The following DPYSL3 variants were observed in gnomAD, a reference collection of about 807,000 sequenced individuals.
The protein encoded by DPYSL3 is dihydropyrimidinase-related protein 3.
Under a neutral mutation model 66.1 loss-of-function variants are expected in DPYSL3, and 16 were observed. That is an observed-to-expected ratio of 0.24 (90% CI 0.16 to 0.37). The LOEUF is 0.37. Ranked by LOEUF, DPYSL3 falls within the 10% of genes least tolerant of loss-of-function variation. The probability of loss-of-function intolerance (pLI) is 1.00; values close to 1 mark genes in which losing one functional copy is unlikely to be tolerated. For missense variants in DPYSL3, 738 were observed against 916.2 expected, an observed-to-expected ratio of 0.81 and a Z score of 2.51; for synonymous variants, 338 against 345.1, an observed-to-expected ratio of 0.98 and a Z score of 0.23.
chr5:147,415,898 G>A, intron 3 of DPYSL3, 25 bp from the exon 4 acceptor site: 1 of 1,610,052 alleles, frequency 6.2e-7, no homozygotes, highest in Non-Finnish European at 8.5e-7. Flanking sequence ...CCCCAGATGA[G>A]TCACTCTCAG....
intron 2 of DPYSL3, among the ~76,000 whole-genome samples, chr5:147,424,612 C>T (rs74605436): frequency 0.039 from 5,971 of 152,194 alleles, 161 homozygotes; most frequent in Non-Finnish European, 0.063. Flanking sequence ...ATACCTATTG[C>T]ACAAAGCCTT....
At chr5:147,450,678 G>C (rs1039984536) in intron 1 of DPYSL3, among the ~76,000 whole-genome samples, 10 of 151,954 alleles carry the variant, frequency 6.6e-5, no homozygotes, top group Non-Finnish European at 1.3e-4. Flanking sequence ...ATCTCAGGAG[G>C]GCAATAAAAA....
chr5:147,416,531 T>C (rs1014284765), intron 3 of DPYSL3, among the ~76,000 whole-genome samples: 2 of 152,192 alleles, frequency 1.3e-5, no homozygotes, highest in African/African-American at 2.4e-5. Context: ...TTTTAAACAA[T>C]GGCATCTACA....
chr5:147,405,473 C>G (rs1362153961), intron 8 of DPYSL3, 137 bp downstream of exon 8: 11 of 1,190,552 alleles, frequency 9.2e-6, no homozygotes, highest in Non-Finnish European at 1.2e-5. Flanking sequence ...CCCATCCACA[C>G]AGGATGTGGA....
In DPYSL3 at chr5:147,394,127, C is replaced by T. The variant is rs769492854; in HGVS notation, c.1967-4G>A. 1.2e-6 allele frequency: 2 copies of T among 1,613,222 alleles called. No homozygotes were observed. The highest frequency in any genetic ancestry group is 2.7e-5 in the African/African-American group (2 of 74,642). ...ACCCCCTCATCCACTTGGGTGCCTA[C>T]AGTTGGAAATAAATTCCCAGGGGGA... On this transcript the variant is annotated splice_polypyrimidine_tract_variant and splice_region_variant and intron_variant, in intron 13 of 13. Transcript: ENST00000343218.
chr5:147,406,995 C>A (rs1758340659), intron 7 of DPYSL3, among the ~76,000 whole-genome samples: 1 of 152,148 alleles, frequency 6.6e-6, no homozygotes, highest in South Asian at 2.1e-4. Context: ...AATATGGACA[C>A]CTTCCTGAAG....
chr5:147,501,300 G>A (rs1753603338), intron 1 of DPYSL3, among the ~76,000 whole-genome samples: 1 of 152,076 alleles, frequency 6.6e-6, no homozygotes, highest in African/African-American at 2.4e-5. Context: ...GTTGCCAGGA[G>A]TTGAGGGCAG....
intron 1 of DPYSL3, among the ~76,000 whole-genome samples, chr5:147,442,511 C>T (rs1296870538): frequency 2.6e-5 from 4 of 152,184 alleles, no homozygotes; most frequent in African/African-American, 4.8e-5. Context: ...GTCTGATACT[C>T]GTGAGCTGAG....
chr5:147,480,750 T>C (rs1288780521), intron 1 of DPYSL3, among the ~76,000 whole-genome samples: 1 of 149,406 alleles, frequency 6.7e-6, no homozygotes, highest in Non-Finnish European at 1.5e-5. Flanking sequence ...GAGAAGGAGT[T>C]TCTCTCTTGT....
At chr5:147,461,194 G>C (rs1032254588) in intron 1 of DPYSL3, among the ~76,000 whole-genome samples, 2 of 152,160 alleles carry the variant, frequency 1.3e-5, no homozygotes, top group African/African-American at 4.8e-5. Context: ...CATGTGTACA[G>C]TAAAGGAATA....
At chr5:147,460,176 G>C (rs1437504451) in intron 1 of DPYSL3, among the ~76,000 whole-genome samples, 1 of 152,086 alleles carries the variant, frequency 6.6e-6, no homozygotes, top group Non-Finnish European at 1.5e-5. Flanking sequence ...TTCATCTCTG[G>C]CCCAGCATGT....
intron 1 of DPYSL3, among the ~76,000 whole-genome samples, chr5:147,448,959 A>C (rs1416310194): frequency 6.6e-6 from 1 of 152,052 alleles, no homozygotes; most frequent in Non-Finnish European, 1.5e-5. Flanking sequence ...AGTGTTTGCT[A>C]TTTTTCTTCT....
chr5:147,415,964 GCA>G, intron 3 of DPYSL3, 91 bp from the exon 4 acceptor site: 1 of 1,382,894 alleles, frequency 7.2e-7, no homozygotes, highest in Non-Finnish European at 9.8e-7. Context: ...AGCTGTGACT[GCA>G]GAATCTCTAT....
intron 1 of DPYSL3, among the ~76,000 whole-genome samples, chr5:147,451,208 T>C (rs1450813400): frequency 1.3e-5 from 2 of 152,218 alleles, no homozygotes; most frequent in African/African-American, 2.4e-5. Context: ...CCTCCTGCCA[T>C]GCCCTTCCTT....
At chr5:147,408,215 C>T (rs777579760) in intron 7 of DPYSL3, among the ~76,000 whole-genome samples, 8 of 152,110 alleles carry the variant, frequency 5.3e-5, no homozygotes, top group Non-Finnish European at 8.8e-5. Context: ...GCTGACATCT[C>T]GGAGACATGG....
At chr5:147,473,019 C>G (rs1016680217) in intron 1 of DPYSL3, 2 of 152,130 alleles carry the variant, frequency 1.3e-5, no homozygotes, top group African/African-American at 4.8e-5. Flanking sequence ...CAGAGAAACT[C>G]CTAACCCAAC....
intron 1 of DPYSL3, among the ~76,000 whole-genome samples, chr5:147,505,515 C>T (rs2126464312): frequency 6.6e-6 from 1 of 152,262 alleles, no homozygotes; most frequent in East Asian, 1.9e-4. Context: ...AGATTACAGG[C>T]GTGAGCCACC....
chr5:147,405,541 G>A, intron 8 of DPYSL3, 69 bp downstream of exon 8: 5 of 1,540,592 alleles, frequency 3.2e-6, no homozygotes, highest in Non-Finnish European at 4.4e-6. Context: ...ATATTACACA[G>A]GACAACCAGA....
Position 147,393,767 on chromosome 5 carries a change from C to T in DPYSL3, c.*268G>A. The T allele has an allele frequency of 2.1e-6, 1 of 469,634 alleles. No individual in the cohort carries two copies. The highest frequency in any genetic ancestry group is 3.9e-6 in the Non-Finnish European group (1 of 256,606). The allele number at this position is 469,634 out of a possible 1,614,324, so 29.1% of individuals were successfully genotyped here. On this transcript the variant is annotated 3_prime_UTR_variant, in exon 14 of 14. Transcript: ENST00000343218. ...TCTCAACACTATGATAGAGCAGACT[C>T]TTTTACCTTAGTGGCCTGTCTGATT...
Sources: gnomAD v4.1 joint callset for allele counts (sites outside exome capture counted in the v4.1 genomes callset) on GRCh38, gnomAD v4.1.1 for gene constraint, MANE v1.5 for transcripts, NCBI Gene and HGNC (gene_info 2026-07-23, HGNC 2026-07-21) for gene names.